The following UBE2U variants were observed in gnomAD, a reference collection of about 807,000 sequenced individuals.
The protein encoded by UBE2U is ubiquitin-conjugating enzyme E2 U.
A neutral mutation model predicts 41.2 loss-of-function variants in UBE2U; 39 were observed. The ratio of observed to expected loss-of-function variants is 0.95; its 90% CI spans 0.73 to 1.24. The LOEUF (loss-of-function observed/expected upper bound fraction) is 1.24. UBE2U is among the 50% of genes most tolerant of loss of function. UBE2U has a pLI of 0.00. For missense variants in UBE2U, 336 were observed against 363.1 expected (o/e 0.93, Z 0.61); for synonymous variants, 107 against 117.8 (o/e 0.91, Z 0.60).
intron 8 of UBE2U, among the ~76,000 whole-genome samples, chr1:64,242,555 G>A (rs553780926): frequency 6.6e-6 from 1 of 152,230 alleles, no homozygotes; most frequent in East Asian, 1.9e-4. Context: ...ATAACGTGCT[G>A]TATTTTGAAT....
In UBE2U at chr1:64,220,291, C is replaced by T. The variant is rs147147791; in HGVS notation, c.458-568C>T. 2.0e-5 allele frequency among the ~76,000 whole-genome samples: 3 copies of T among 151,884 alleles called. No individual in the cohort carries two copies. The East Asian group carries it at 5.8e-4, about 29-fold the overall frequency. The stretch of plus-strand genomic sequence containing the variant: ...AAGTGCAAGCAAGAGAGAGAGAGAG[C>T]ACTGCTAATACTCTGACAGCTGGAC... On this transcript the variant is annotated intron_variant, in intron 5 of 9. Coordinates refer to ENST00000371077, the MANE Select transcript of UBE2U (RefSeq NM_001366232.2).
At chr1:64,239,582 T>C (rs1356949986) in intron 7 of UBE2U, among the ~76,000 whole-genome samples, 2 of 143,794 alleles carry the variant, frequency 1.4e-5, no homozygotes, top group Non-Finnish European at 3.0e-5. Context: ...AGTGTTCTCA[T>C]TGTTCAATTC....
chr1:64,252,982 G>A (rs1216254678), intron 8 of UBE2U, among the ~76,000 whole-genome samples: 1 of 152,162 alleles, frequency 6.6e-6, no homozygotes. Context: ...AAAGGAACAG[G>A]TTGTAAACCA....
At chr1:64,204,197 G>A in intron 1 of UBE2U, 81 bp downstream of exon 1, 4 of 1,370,862 alleles carry the variant, frequency 2.9e-6, no homozygotes. Context: ...TATTCTATAA[G>A]TAGTAATTTA....
chr1:64,221,173 G>C (rs7536575), intron 6 of UBE2U, among the ~76,000 whole-genome samples: 12 of 152,100 alleles, frequency 7.9e-5, no homozygotes, highest in Middle Eastern at 3.4e-3. Context: ...ATGCAATGGC[G>C]CAATCTCAGC....
At chr1:64,234,831 G>A (rs920092021) in intron 7 of UBE2U, among the ~76,000 whole-genome samples, 11 of 152,124 alleles carry the variant, frequency 7.2e-5, no homozygotes, top group Admixed American at 5.2e-4. Context: ...CTATGTATGA[G>A]GCACTGAGCA....
intron 6 of UBE2U, among the ~76,000 whole-genome samples, chr1:64,231,632 C>CA (rs1644568518): frequency 6.6e-6 from 1 of 152,110 alleles, no homozygotes; most frequent in Non-Finnish European, 1.5e-5. Flanking sequence ...AATGAATTAA[C>CA]ACATTTAGAT....
rs186172046 is a variant in UBE2U at position 64,233,164 on chromosome 1, C to T, written c.595+515C>T. Among the ~76,000 whole-genome samples the T allele has an allele frequency of 8.1e-3, 1,228 of 152,120 alleles. 11 individuals are homozygous for T. The highest frequency in any genetic ancestry group is 0.026 in the African/African-American group (1,087 of 41,494). On this transcript the variant is annotated intron_variant, in intron 7 of 9. Transcript: ENST00000371077. Reference sequence around the variant, plus strand: ...CTGGGACTACAGGTGTCTGCCACCACGCCCAGCTAATTTTTTGTATTTTTA... The same window carrying T: ...CTGGGACTACAGGTGTCTGCCACCATGCCCAGCTAATTTTTTGTATTTTTA...
intron 8 of UBE2U, among the ~76,000 whole-genome samples, chr1:64,259,236 G>T (rs1258775172): frequency 6.6e-6 from 1 of 152,110 alleles, no homozygotes; most frequent in Non-Finnish European, 1.5e-5. Context: ...TTTGTCAGAT[G>T]GGTAGGTTGC....
Position 64,258,593 on chromosome 1 carries a change from CAGTTTGCTCAGAAT to C in UBE2U, c.678-2009_678-1996del, listed in dbSNP as rs1645134176. 2.0e-5 allele frequency among the ~76,000 whole-genome samples: 3 copies of C among 151,756 alleles called. No individual in the cohort carries two copies. In the South Asian group the frequency reaches 6.2e-4, roughly 31 times the overall value. ...AGTGTTTGGTTTTCTGTCCTTGTGACAGTTTGCTCAGAATGATAGTTTCCAGCTTCATCCATGTC... is the reference window on the plus strand; with the variant it reads ...AGTGTTTGGTTTTCTGTCCTTGTGACGATAGTTTCCAGCTTCATCCATGTC... On this transcript the variant is annotated intron_variant, in intron 8 of 9. Transcript: ENST00000371077.
chr1:64,240,391 G>A (rs1644815595), intron 7 of UBE2U, among the ~76,000 whole-genome samples: 1 of 152,174 alleles, frequency 6.6e-6, no homozygotes, highest in Admixed American at 6.5e-5. Flanking sequence ...CTCTCTTGTG[G>A]GAGAGGGATG....
chr1:64,214,801 G>C lies in UBE2U; in HGVS notation c.340-14G>C. The C allele has an allele frequency of 6.2e-7, 1 of 1,605,996 alleles. No homozygotes were observed. The highest frequency in any genetic ancestry group is 2.2e-5 in the East Asian group (1 of 44,800). The stretch of plus-strand genomic sequence containing the variant: ...TTACTTCTGAAATTATATGTTGTCT[G>C]TGTTTTCCTATAGGTTATGCTTTCT... On this transcript the variant is annotated splice_polypyrimidine_tract_variant and intron_variant, in intron 4 of 9. Transcript: ENST00000371077.
At chr1:64,243,801 G>A (rs1644874643) in intron 8 of UBE2U, among the ~76,000 whole-genome samples, 2 of 152,122 alleles carry the variant, frequency 1.3e-5, no homozygotes, top group Non-Finnish European at 2.9e-5. Flanking sequence ...TTTGCTGCTG[G>A]TGTAGAGCTA....
At chr1:64,210,928 T>C in intron 4 of UBE2U, 89 bp downstream of exon 4, 1 of 824,298 alleles carries the variant, frequency 1.2e-6, no homozygotes, top group Non-Finnish European at 1.7e-6. Context: ...ACAATGCATA[T>C]TTAAGTGTTT....
chr1:64,207,110 T>C (rs541854079), intron 3 of UBE2U, among the ~76,000 whole-genome samples: 1 of 152,224 alleles, frequency 6.6e-6, no homozygotes, highest in Non-Finnish European at 1.5e-5. Flanking sequence ...AGTTGAGGTA[T>C]TATGCATGAA....
intron 1 of UBE2U, among the ~76,000 whole-genome samples, chr1:64,205,269 C>A (rs1651222712): frequency 6.6e-6 from 1 of 152,116 alleles, no homozygotes; most frequent in Non-Finnish European, 1.5e-5. Flanking sequence ...ATTCATATAG[C>A]TCTAAAATGT....
chr1:64,243,653 T>C (rs1644872041), intron 8 of UBE2U, among the ~76,000 whole-genome samples: 1 of 152,162 alleles, frequency 6.6e-6, no homozygotes, highest in Non-Finnish European at 1.5e-5. Context: ...GAAACCTGTC[T>C]CTCCTGCTAC....
intron 8 of UBE2U, among the ~76,000 whole-genome samples, chr1:64,242,886 G>A (rs1293075533): frequency 6.6e-6 from 1 of 152,080 alleles, no homozygotes; most frequent in Non-Finnish European, 1.5e-5. Flanking sequence ...AGAATATAAG[G>A]TTAATTTTTC....
chr1:64,246,540 G>A (rs111645056), intron 8 of UBE2U, among the ~76,000 whole-genome samples: 1 of 152,096 alleles, frequency 6.6e-6, no homozygotes, highest in African/African-American at 2.4e-5. Context: ...TGGTTAACAA[G>A]TGAATTAGCA....
Sources: gnomAD v4.1 joint callset for allele counts (sites outside exome capture counted in the v4.1 genomes callset) on GRCh38, gnomAD v4.1.1 for gene constraint, MANE v1.5 for transcripts, NCBI Gene and HGNC (gene_info 2026-07-23, HGNC 2026-07-21) for gene names.